The following KAZN variants were observed in gnomAD, a reference collection of about 807,000 sequenced individuals.
The protein encoded by KAZN is kazrin.
In KAZN, 40 loss-of-function variants were observed where a neutral mutation model predicts 87.4. That is an observed-to-expected ratio of 0.46 (90% CI 0.36 to 0.60). KAZN has a LOEUF of 0.60. Ranked by LOEUF, KAZN falls within the 20% of genes least tolerant of loss-of-function variation. The pLI, the probability that KAZN is intolerant of heterozygous loss-of-function variation, is 0.00. For missense variants in KAZN, 898 were observed against 1,073.9 expected (o/e 0.84, Z 2.29); for synonymous variants, 466 against 458.3 (o/e 1.02, Z -0.22).
At chr1:14,279,249 C>G (rs904614684) in intron 2 of KAZN, among the ~76,000 whole-genome samples, 28 of 152,108 alleles carry the variant, frequency 1.8e-4, no homozygotes, top group African/African-American at 6.8e-4. Flanking sequence ...AATCCTTTAT[C>G]CCAAATTCAC....
chr1:14,809,948 G>C (rs1440936916), intron 1 of KAZN, among the ~76,000 whole-genome samples: 1 of 152,144 alleles, frequency 6.6e-6, no homozygotes, highest in Non-Finnish European at 1.5e-5. Flanking sequence ...GGATTTCTCA[G>C]CCTCAGAACT....
chr1:15,070,940 TC>T (rs1235838690), intron 8 of KAZN, among the ~76,000 whole-genome samples: 2 of 152,216 alleles, frequency 1.3e-5, no homozygotes, highest in African/African-American at 4.8e-5. Context: ...CCAGTTGGAC[TC>T]CACTGGGCGG....
chr1:14,316,741 T>C (rs1655680649), intron 2 of KAZN, among the ~76,000 whole-genome samples: 1 of 152,024 alleles, frequency 6.6e-6, no homozygotes, highest in African/African-American at 2.4e-5. Context: ...CATTTTTATT[T>C]AGTTCAAAAT....
chr1:14,011,827 A>G (rs770029476), intron 1 of KAZN, among the ~76,000 whole-genome samples: 19 of 152,354 alleles, frequency 1.2e-4, no homozygotes, highest in Non-Finnish European at 2.2e-4. Flanking sequence ...TAATACATGT[A>G]TCAGCGTTTC....
At chr1:14,957,426 C>T (rs1663253745) in intron 1 of KAZN, among the ~76,000 whole-genome samples, 1 of 152,192 alleles carries the variant, frequency 6.6e-6, no homozygotes, top group Admixed American at 6.5e-5. Context: ...CGTGATGTGT[C>T]GCGCAGTCAC....
At chr1:14,188,194 CGTGTGTGTGTGT>C (rs3033865) in intron 2 of KAZN, among the ~76,000 whole-genome samples, 64 of 140,150 alleles carry the variant, frequency 4.6e-4, no homozygotes, top group South Asian at 7.2e-4. Context: ...GAGAGAGGAG[CGTGTGTGTGTGT>C]GTGTGTGTGT....
chr1:14,326,711 CT>C (rs1656451802), intron 2 of KAZN, among the ~76,000 whole-genome samples: 1 of 152,210 alleles, frequency 6.6e-6, no homozygotes, highest in African/African-American at 2.4e-5. Flanking sequence ...CCCTGGACCC[CT>C]GAATGTCCCT....
At chr1:15,105,770 C>T (rs957229334) in intron 13 of KAZN, among the ~76,000 whole-genome samples, 1 of 152,054 alleles carries the variant, frequency 6.6e-6, no homozygotes, top group Non-Finnish European at 1.5e-5. Flanking sequence ...GTCCAGGTGT[C>T]CTGGGCTGCT....
chr1:14,891,956 A>G lies in KAZN; in HGVS notation c.227-68728A>G, dbSNP rs72638345. Among the ~76,000 whole-genome samples, 1,424 of 152,164 alleles carry G rather than the reference A, an allele frequency of 9.4e-3. 11 individuals carry two copies. Among genetic ancestry groups the G allele is most frequent in the Non-Finnish European group, 0.014 (982 of 68,006 alleles). ...TATGTGAGGCTTCTTGGTGTCAGGG[A>G]GTCTTACATCTGGCCCTGCCTGTTG... is the stretch of plus-strand genomic sequence containing the variant. On this transcript the variant is annotated intron_variant, in intron 1 of 14. Coordinates refer to ENST00000376030, the MANE Select transcript of KAZN (RefSeq NM_201628.3).
rs569684849 is a variant in KAZN at position 15,055,757 on chromosome 1, C to T, written c.727-334C>T. On this transcript the variant is annotated intron_variant, in intron 4 of 14. Transcript: ENST00000376030. Reference sequence around the variant, plus strand: ...GCAGTGCCCCCTAGAGTTGTGTGACCAGGTGGCCAGGCCCTGGCACAGTTC... The same window carrying T: ...GCAGTGCCCCCTAGAGTTGTGTGACTAGGTGGCCAGGCCCTGGCACAGTTC... Among the ~76,000 whole-genome samples the T allele has an allele frequency of 2.0e-4, 31 of 152,276 alleles. No individual in the cohort carries two copies. In the East Asian group the frequency reaches 4.5e-3, roughly 22 times the overall value.
chr1:14,657,423 T>C (rs953428092), intron 1 of KAZN, among the ~76,000 whole-genome samples: 5 of 152,166 alleles, frequency 3.3e-5, no homozygotes, highest in African/African-American at 1.2e-4. Flanking sequence ...GACCTAGAGC[T>C]TCTGCTACAA....
chr1:14,005,880 G>T (rs1269927891), intron 1 of KAZN, among the ~76,000 whole-genome samples: 1 of 152,148 alleles, frequency 6.6e-6, no homozygotes, highest in Non-Finnish European at 1.5e-5. Context: ...ACAGATCCTG[G>T]ATGAGCAAAC....
chr1:14,168,750 A>G (rs1238347486), intron 1 of KAZN, among the ~76,000 whole-genome samples: 1 of 152,222 alleles, frequency 6.6e-6, no homozygotes, highest in African/African-American at 2.4e-5. Flanking sequence ...CTTCACAGGT[A>G]CGAGGTTGTG....
At chr1:14,789,730 TGAAGGC>T (rs930988943) in intron 1 of KAZN, among the ~76,000 whole-genome samples, 39 of 117,510 alleles carry the variant, frequency 3.3e-4, no homozygotes, top group African/African-American at 1.2e-3. Context: ...ATTCTTACTC[TGAAGGC>T]AAGGACTCTA....
chr1:15,024,586 T>G (rs760784050), intron 2 of KAZN, among the ~76,000 whole-genome samples: 9 of 152,100 alleles, frequency 5.9e-5, no homozygotes, highest in Non-Finnish European at 1.3e-4. Flanking sequence ...AGGAGCCTCT[T>G]GTAGAAAAGG....
chr1:14,941,763 A>T (rs1480599755), intron 1 of KAZN, among the ~76,000 whole-genome samples: 2 of 152,220 alleles, frequency 1.3e-5, no homozygotes, highest in Non-Finnish European at 2.9e-5. Context: ...GGTTCTGCCC[A>T]TGGTCTTTGC....
chr1:14,682,294 T>TC (rs1640715550), intron 1 of KAZN, among the ~76,000 whole-genome samples: 1 of 151,140 alleles, frequency 6.6e-6, no homozygotes, highest in Non-Finnish European at 1.5e-5. Context: ...GAATTTCCTT[T>TC]TTTTTTTTTT....
At chr1:14,199,059 T>G (rs920061307) in intron 2 of KAZN, among the ~76,000 whole-genome samples, 8 of 152,290 alleles carry the variant, frequency 5.3e-5, no homozygotes, top group Middle Eastern at 3.4e-3. Flanking sequence ...GATATGGGAA[T>G]AAGGATAAGA....
At chr1:14,900,888 C>G (rs1361198055) in intron 1 of KAZN, among the ~76,000 whole-genome samples, 1 of 152,160 alleles carries the variant, frequency 6.6e-6, no homozygotes. Context: ...TTACCCAGAT[C>G]CCTGTGATTC....
Sources: gnomAD v4.1 joint callset for allele counts (sites outside exome capture counted in the v4.1 genomes callset) on GRCh38, gnomAD v4.1.1 for gene constraint, MANE v1.5 for transcripts, NCBI Gene and HGNC (gene_info 2026-07-23, HGNC 2026-07-21) for gene names.